Variants in SLC35F5 observed in about 807,000 individuals in gnomAD.
SLC35F5 encodes the protein HCV NS5A-transactivated protein 3.
Under a neutral mutation model 68.6 loss-of-function variants are expected in SLC35F5, and 54 were observed. That is an observed-to-expected ratio of 0.79 (90% CI 0.63 to 0.99). The LOEUF is 0.99. SLC35F5 is among the 50% of genes least tolerant of loss of function. The probability of loss-of-function intolerance (pLI) is 0.00; values close to 1 mark genes in which losing one functional copy is unlikely to be tolerated. For missense variants in SLC35F5, 567 were observed against 626.9 expected (o/e 0.90, Z 1.02); for synonymous variants, 211 against 205.2 (o/e 1.03, Z -0.24).
intron 6 of SLC35F5, 78 bp from the exon 7 acceptor site, chr2:113,742,957 A>C: frequency 7.5e-7 from 1 of 1,339,766 alleles, no homozygotes; most frequent in Non-Finnish European, 1.0e-6. Context: ...TTTACTGATA[A>C]ATGTATAAGT....
At chr2:113,753,072 T>A (rs1018344734) in intron 3 of SLC35F5, among the ~76,000 whole-genome samples, 1 of 151,960 alleles carries the variant, frequency 6.6e-6, no homozygotes, top group East Asian at 1.9e-4. Flanking sequence ...TGGAGACTCA[T>A]TATAATATTC....
intron 9 of SLC35F5, among the ~76,000 whole-genome samples, chr2:113,733,126 CT>C (rs2104441691): frequency 6.6e-6 from 1 of 152,068 alleles, no homozygotes; most frequent in South Asian, 2.1e-4. Flanking sequence ...CTAAGTAACA[CT>C]TTTTTTTAAA....
At chr2:113,732,793 C>A (rs568652406) in intron 9 of SLC35F5, among the ~76,000 whole-genome samples, 118 of 152,256 alleles carry the variant, frequency 7.8e-4, no homozygotes, top group Non-Finnish European at 1.1e-3. Context: ...TCATAATAAT[C>A]CTATGAGAGA....
intron 3 of SLC35F5, among the ~76,000 whole-genome samples, chr2:113,751,118 C>A (rs1010341195): frequency 4.3e-4 from 65 of 152,138 alleles, no homozygotes; most frequent in Admixed American, 1.4e-3. Flanking sequence ...TGCACTCCAG[C>A]CTGGGCAACA....
At chr2:113,754,941 G>A (rs1051212731) in intron 3 of SLC35F5, among the ~76,000 whole-genome samples, 2 of 151,852 alleles carry the variant, frequency 1.3e-5, no homozygotes, top group Non-Finnish European at 2.9e-5. Context: ...GTCTCTCTAA[G>A]TAACCCTCCC....
chr2:113,725,260 T>C, intron 12 of SLC35F5, 118 bp downstream of exon 12: 1 of 863,016 alleles, frequency 1.2e-6, no homozygotes, highest in Admixed American at 2.7e-5. Flanking sequence ...TATTCAGTTG[T>C]ATGTGTGTTG....
chr2:113,756,382 C>T lies in SLC35F5; in HGVS notation c.28G>A (p.Ala10Thr). MVPPRRHRG[A>T]GRPGVLSSSP... Reference sequence around the variant, plus strand: ...CCTGCCTGCCTACCTGGCCTTCCTGCCCCGCGATGGCGTCGTGGCGGCACC... The same window carrying T: ...CCTGCCTGCCTACCTGGCCTTCCTGTCCCGCGATGGCGTCGTGGCGGCACC... The change falls in exon 1 of 16, where the codon GCA (alanine) becomes ACA (threonine). Residue 10 changes from alanine to threonine, a missense_variant. Transcript: ENST00000245680. 1 of 1,569,746 alleles carries T rather than the reference C, an allele frequency of 6.4e-7. No homozygotes were observed.
chr2:113,719,314 A>G lies in SLC35F5; in HGVS notation c.1342-6T>C. Reference sequence around the variant, plus strand: ...AATAACCAAGAAAACTGCACCTAAAAATAAAAGATAGAGGAAAAAACACAC... The same window carrying G: ...AATAACCAAGAAAACTGCACCTAAAGATAAAAGATAGAGGAAAAAACACAC... On this transcript the variant is annotated splice_polypyrimidine_tract_variant and splice_region_variant and intron_variant, in intron 13 of 15. Coordinates refer to ENST00000245680, the MANE Select transcript of SLC35F5 (RefSeq NM_025181.5). 6.5e-7 allele frequency: 1 copy of G among 1,548,692 alleles called. No individual in the cohort carries two copies. The highest frequency in any genetic ancestry group is 2.3e-5 in the East Asian group (1 of 43,978).
At position 113,739,057 on chromosome 2, in the gene SLC35F5, T is replaced by C. The variant is rs544486300; in HGVS notation, c.751-3199A>G. Among the ~76,000 whole-genome samples the C allele has an allele frequency of 2.9e-4, 44 of 152,306 alleles. No homozygotes were observed. In the South Asian group the frequency reaches 8.7e-3, roughly 30 times the overall value. ...GCATTTGAGGCTCATGTTATATTTC[T>C]ATTGAACAGCACTGCTCTTAACCTT... On this transcript the variant is annotated intron_variant, in intron 7 of 15. Transcript: ENST00000245680.
At chr2:113,735,990 T>A in intron 7 of SLC35F5, 132 bp from the exon 8 acceptor site, 1 of 559,212 alleles carries the variant, frequency 1.8e-6, no homozygotes, top group South Asian at 2.6e-5. Flanking sequence ...CTGCTTTGTA[T>A]TGAAAAAATC....
At chr2:113,726,830 C>T (rs1687683871) in intron 11 of SLC35F5, among the ~76,000 whole-genome samples, 2 of 152,192 alleles carry the variant, frequency 1.3e-5, no homozygotes, top group South Asian at 4.1e-4. Context: ...GGCCAAACCT[C>T]AGTTATACTT....
chr2:113,734,369 G>C (rs1688008580), intron 9 of SLC35F5, among the ~76,000 whole-genome samples: 1 of 152,196 alleles, frequency 6.6e-6, no homozygotes, highest in Admixed American at 6.5e-5. Flanking sequence ...GGGAACCAAA[G>C]CAGCCTTGGG....
intron 3 of SLC35F5, among the ~76,000 whole-genome samples, chr2:113,750,989 T>C (rs777524427): frequency 2.0e-5 from 3 of 151,832 alleles, no homozygotes; most frequent in Admixed American, 6.6e-5. Context: ...TGCAGCAAAA[T>C]AGAAAAATTA....
At chr2:113,754,545 G>A (rs1007459665) in intron 3 of SLC35F5, among the ~76,000 whole-genome samples, 1 of 152,036 alleles carries the variant, frequency 6.6e-6, no homozygotes, top group Non-Finnish European at 1.5e-5. Context: ...AAGTATACAA[G>A]TAGAAAGAAA....
chr2:113,744,088 A>G (rs1338858046), intron 5 of SLC35F5, among the ~76,000 whole-genome samples: 1 of 152,224 alleles, frequency 6.6e-6, no homozygotes, highest in African/African-American at 2.4e-5. Context: ...AACAGATTCC[A>G]TCTCAGCTAA....
Position 113,729,472 on chromosome 2 carries a change from T to C in SLC35F5, c.1019A>G (p.Tyr340Cys), listed in dbSNP as rs780505874. 3.1e-6 allele frequency: 5 copies of C among 1,596,160 alleles called. No homozygotes were observed. The highest frequency in any genetic ancestry group is 4.3e-6 in the Non-Finnish European group (5 of 1,171,990). ...CTTAATCATAACAATATAGACAGCA[T>C]AGAGCATGGCTCCAGCAAGAGACCA... ...SIWSLAGAMLYAVYIVMIKRK... is the reference protein window; with the variant it reads ...SIWSLAGAMLCAVYIVMIKRK... Residue 340 changes from tyrosine (Y) to cysteine (C), a missense_variant, in exon 11 of 16, where the codon TAT becomes TGT. Transcript: ENST00000245680.
intron 3 of SLC35F5, among the ~76,000 whole-genome samples, chr2:113,753,396 C>T (rs902828496): frequency 9.2e-5 from 14 of 151,954 alleles, no homozygotes; most frequent in African/African-American, 2.7e-4. Context: ...AGGCTGGTCT[C>T]GAACTCCTGA....
chr2:113,720,148 C>G (rs929418549), intron 13 of SLC35F5, among the ~76,000 whole-genome samples: 1 of 151,672 alleles, frequency 6.6e-6, no homozygotes, highest in Non-Finnish European at 1.5e-5. Context: ...TTCACTAGTT[C>G]ACTTTTACCA....
intron 7 of SLC35F5, 78 bp from the exon 8 acceptor site, chr2:113,735,936 T>C: frequency 1.1e-6 from 1 of 891,516 alleles, no homozygotes. Flanking sequence ...AATTCCCTTT[T>C]TTGTTCTCCT....
Sources: allele counts gnomAD v4.1 joint callset (sites outside exome capture counted in the v4.1 genomes callset), GRCh38; gene constraint gnomAD v4.1.1; transcripts MANE v1.5; gene names NCBI Gene and HGNC (gene_info 2026-07-23, HGNC 2026-07-21).